The following SLC2A13 variants were observed in gnomAD, a reference collection of about 807,000 sequenced individuals.
The protein encoded by SLC2A13 is solute carrier family 2 member 13, also known as proton myo-inositol cotransporter.
In SLC2A13, 32 loss-of-function variants were observed where a neutral mutation model predicts 64.4. The observed-to-expected ratio is 0.50, with a 90% CI of 0.37 to 0.67. The LOEUF (loss-of-function observed/expected upper bound fraction) is 0.67, where lower values mean the gene tolerates loss of function less well. Ranked by LOEUF, SLC2A13 falls within the 30% of genes least tolerant of loss-of-function variation. The probability of loss-of-function intolerance (pLI) is 0.00; values close to 1 mark genes in which losing one functional copy is unlikely to be tolerated. For missense variants in SLC2A13, 743 were observed against 829.2 expected, an observed-to-expected ratio of 0.90 and a Z score of 1.28; for synonymous variants, 338 against 327.1, an observed-to-expected ratio of 1.03 and a Z score of -0.36.
At chr12:39,850,138 G>A (rs1943428760) in intron 6 of SLC2A13, among the ~76,000 whole-genome samples, 1 of 151,904 alleles carries the variant, frequency 6.6e-6, no homozygotes, top group South Asian at 2.1e-4. Context: ...CCTCAGCCTT[G>A]GGAAGCCTTC....
At chr12:39,859,214 A>G (rs1943688509) in intron 6 of SLC2A13, among the ~76,000 whole-genome samples, 1 of 151,808 alleles carries the variant, frequency 6.6e-6, no homozygotes, top group Admixed American at 6.6e-5. Flanking sequence ...CAGAAAAAGA[A>G]CCACATTGAT....
chr12:39,958,004 C>A lies in SLC2A13; in HGVS notation c.926-6639G>T, dbSNP rs1309139756. Among the ~76,000 whole-genome samples the A allele has an allele frequency of 2.6e-5, 4 of 152,084 alleles. No individual in the cohort carries two copies. In the East Asian group the frequency reaches 7.7e-4, roughly 29 times the overall value. On this transcript the variant is annotated intron_variant, in intron 3 of 9. Transcript: ENST00000280871. ...ATGAGATTAAGGCATAAGGAAGGAC[C>A]CACAAGAGGTATGCCACTCAGGTAC...
intron 3 of SLC2A13, among the ~76,000 whole-genome samples, chr12:40,005,500 CT>C (rs1301040306): frequency 2.6e-5 from 4 of 151,998 alleles, no homozygotes; most frequent in Non-Finnish European, 5.9e-5. Context: ...AAGTAAGATC[CT>C]AAATCAGTGG....
At chr12:40,044,167 A>G (rs17442143) in intron 2 of SLC2A13, among the ~76,000 whole-genome samples, 1,947 of 152,318 alleles carry the variant, frequency 0.013, 17 homozygotes, top group Non-Finnish European at 0.018. Flanking sequence ...TGAAGTACTG[A>G]CACATACTAC....
At chr12:39,927,277 A>G (rs1406492705) in intron 4 of SLC2A13, among the ~76,000 whole-genome samples, 1 of 152,158 alleles carries the variant, frequency 6.6e-6, no homozygotes, top group Non-Finnish European at 1.5e-5. Context: ...GTTTGCTTCT[A>G]CCTTTGATTC....
chr12:39,934,537 G>C (rs1945885834), intron 4 of SLC2A13, among the ~76,000 whole-genome samples: 1 of 152,224 alleles, frequency 6.6e-6, no homozygotes, highest in Non-Finnish European at 1.5e-5. Flanking sequence ...ACTTTCTAAA[G>C]AAGGCATGCC....
At chr12:40,042,825 A>G (rs1948110316) in intron 2 of SLC2A13, among the ~76,000 whole-genome samples, 1 of 152,180 alleles carries the variant, frequency 6.6e-6, no homozygotes, top group Non-Finnish European at 1.5e-5. Flanking sequence ...GGAGCTTTGT[A>G]GAAACTATTA....
intron 7 of SLC2A13, among the ~76,000 whole-genome samples, chr12:39,816,194 G>A (rs1252378487): frequency 5.3e-5 from 8 of 152,084 alleles, no homozygotes; most frequent in African/African-American, 1.7e-4. Context: ...CGCTAGTTAT[G>A]ATTCTCAAAT....
chr12:39,806,164 A>AT (rs1941973824), intron 7 of SLC2A13, among the ~76,000 whole-genome samples: 1 of 152,190 alleles, frequency 6.6e-6, no homozygotes, highest in South Asian at 2.1e-4. Flanking sequence ...CAAACTAAAA[A>AT]TTAAGAAAAA....
At chr12:39,872,117 G>C (rs1397724690) in intron 4 of SLC2A13, among the ~76,000 whole-genome samples, 156 bp from the exon 5 acceptor site, 1 of 152,136 alleles carries the variant, frequency 6.6e-6, no homozygotes, top group Non-Finnish European at 1.5e-5. Flanking sequence ...CTGTTGAAAA[G>C]ATCACAATAT....
chr12:39,884,206 C>A (rs73104987), intron 4 of SLC2A13, among the ~76,000 whole-genome samples: 41 of 152,060 alleles, frequency 2.7e-4, no homozygotes, highest in African/African-American at 7.7e-4. Context: ...TGGCCTCAAG[C>A]CACCCTTCTG....
intron 6 of SLC2A13, among the ~76,000 whole-genome samples, chr12:39,844,715 TG>T (rs1943262821): frequency 6.6e-6 from 1 of 152,054 alleles, no homozygotes; most frequent in African/African-American, 2.4e-5. Context: ...AAGAAGCAAG[TG>T]GGGTCTCTAC....
chr12:39,940,340 C>G (rs923271400), intron 4 of SLC2A13, among the ~76,000 whole-genome samples: 16 of 144,020 alleles, frequency 1.1e-4, no homozygotes, highest in Non-Finnish European at 2.0e-4. Flanking sequence ...TTCCTGCCAC[C>G]TTTATTCTTC....
intron 1 of SLC2A13, among the ~76,000 whole-genome samples, chr12:40,084,358 GC>G (rs1938521833): frequency 1.3e-5 from 2 of 152,272 alleles, no homozygotes; most frequent in Admixed American, 6.5e-5. Context: ...AAAACACAAA[GC>G]CACTTTTTAA....
At chr12:39,946,535 G>A (rs1404562370) in intron 4 of SLC2A13, among the ~76,000 whole-genome samples, 2 of 152,218 alleles carry the variant, frequency 1.3e-5, no homozygotes, top group Non-Finnish European at 2.9e-5. Flanking sequence ...GGGTCTTGCT[G>A]TGGCTGCTGT....
chr12:40,083,544 C>A (rs914484084), intron 1 of SLC2A13, among the ~76,000 whole-genome samples: 1 of 152,200 alleles, frequency 6.6e-6, no homozygotes, highest in Non-Finnish European at 1.5e-5. Context: ...CTACTGCCAT[C>A]ACCACTGCAG....
rs950237450 is a variant in SLC2A13, at chr12:39,757,989, T to G, written c.*2037A>C. The G allele has an allele frequency of 2.0e-4, 30 of 151,984 alleles. No individual in the cohort carries two copies. The highest frequency in any genetic ancestry group is 1.9e-3 in the Admixed American group (29 of 15,186). The allele number at this position is 151,984 out of a possible 1,614,324, so 9.4% of individuals were successfully genotyped here. A position where few individuals can be genotyped will look rare whatever the true frequency, so the allele number is the denominator to read the frequency against. On this transcript the variant is annotated 3_prime_UTR_variant, in exon 10 of 10. Transcript: ENST00000280871. ...ATTTTGATTGTACCATATAGTAGCTTATTTTTCACTTCAATTTACCTGTGT... is the reference window on the plus strand; with the variant it reads ...ATTTTGATTGTACCATATAGTAGCTGATTTTTCACTTCAATTTACCTGTGT...
intron 2 of SLC2A13, among the ~76,000 whole-genome samples, chr12:40,037,533 C>T (rs760921835): frequency 1.3e-4 from 20 of 151,496 alleles, no homozygotes; most frequent in Non-Finnish European, 2.4e-4. Context: ...CTGGGAGGAT[C>T]CCTTGAGCCT....
At chr12:39,789,373 C>T (rs1006240752) in intron 7 of SLC2A13, among the ~76,000 whole-genome samples, 1 of 151,948 alleles carries the variant, frequency 6.6e-6, no homozygotes, top group African/African-American at 2.4e-5. Context: ...CAGGTAGATG[C>T]CTTTAGCTAC....
Sources: gnomAD v4.1 joint callset for allele counts (sites outside exome capture counted in the v4.1 genomes callset) on GRCh38, gnomAD v4.1.1 for gene constraint, MANE v1.5 for transcripts, NCBI Gene and HGNC (gene_info 2026-07-23, HGNC 2026-07-21) for gene names.